The following PLA2G4F variants were observed in gnomAD, a reference collection of about 807,000 sequenced individuals.
PLA2G4F encodes the protein phospholipase A2 group IVF.
Under a neutral mutation model 103.1 loss-of-function variants are expected in PLA2G4F, and 105 were observed. That is an observed-to-expected ratio of 1.02 (90% CI 0.87 to 1.20). The LOEUF is 1.20. Among genes scored for constraint, PLA2G4F ranks in the 50% most tolerant of loss-of-function variants. The pLI is 0.00. For synonymous variants in PLA2G4F, 468 were observed against 441.1 expected (o/e 1.06, Z -0.76); for missense variants, 1,155 against 1,075.9 (o/e 1.07, Z -1.03).
chr15:42,146,978 G>C (rs989970992), intron 13 of PLA2G4F, 146 bp downstream of exon 13: 14 of 771,932 alleles, frequency 1.8e-5, no homozygotes, highest in Non-Finnish European at 2.9e-5. Context: ...AGCCCACCCT[G>C]GAGTCACACT....
Position 42,145,735 on chromosome 15 carries a change from GCCTGTCCCCAGCCCTCCA to G in PLA2G4F, c.1672+13_1672+30del. On this transcript the variant is annotated intron_variant, in intron 15 of 19. Coordinates refer to ENST00000397272, the MANE Select transcript of PLA2G4F (RefSeq NM_213600.4). The stretch of plus-strand genomic sequence containing the variant: ...ACGTCAGGGCCTGGCCCCGGCACCT[GCCTGTCCCCAGCCCTCCA>G]GCCTCGACTCACCTTGCAGGTAACA... 1 of 1,613,782 alleles carries G rather than the reference GCCTGTCCCCAGCCCTCCA, an allele frequency of 6.2e-7. No individual in the cohort carries two copies. Among genetic ancestry groups the G allele is most frequent in the Non-Finnish European group, 8.5e-7 (1 of 1,179,898 alleles).
chr15:42,142,549 A>T lies in PLA2G4F; in HGVS notation c.2308T>A (p.Phe770Ile). The T allele has an allele frequency of 6.2e-7, 1 of 1,613,860 alleles. No homozygotes were observed. Among genetic ancestry groups the T allele is most frequent in the Non-Finnish European group, 8.5e-7 (1 of 1,179,880 alleles). ...VLHFPLVNRT[F>I]RTHLAPGVER... ...TTACCTGGGGCCAGGTGTGTGCGGA[A>T]GGTACGGTTAACCAGGGGGAAGTGC... The change falls in exon 19 of 20, where the codon TTC (phenylalanine) becomes ATC (isoleucine). Residue 770 changes from phenylalanine (F) to isoleucine (I), a missense_variant. By Grantham distance (21) the Phe-to-Ile change is conservative. Coordinates refer to ENST00000397272, the MANE Select transcript of PLA2G4F (RefSeq NM_213600.4).
In PLA2G4F at chr15:42,144,464, A is replaced by G. The variant is rs1446864589; in HGVS notation, c.1961T>C (p.Phe654Ser). The G allele has an allele frequency of 2.5e-6, 4 of 1,612,138 alleles. No homozygotes were observed. Among genetic ancestry groups the G allele is most frequent in the Non-Finnish European group, 3.4e-6 (4 of 1,180,010 alleles). ...GCAGCACCCACCTTTCCAGGCCACGAACTCCCTGCCAGCCACATAGTCCTT... is the reference window on the plus strand; with the variant it reads ...GCAGCACCCACCTTTCCAGGCCACGGACTCCCTGCCAGCCACATAGTCCTT... The part of the protein sequence containing the change: ...LHKDYVAGRE[F>S]VAWKDTHPDA... The change falls in exon 17 of 20, where the codon TTC becomes TCC. Residue 654 changes from phenylalanine (F) to serine (S), a missense_variant. Phe to Ser is a radical substitution (Grantham distance 155). This residue lies in a region of PLA2G4F where 782 missense variants were observed against 692.9 expected (regional missense o/e 1.13). Coordinates refer to ENST00000397272, the MANE Select transcript of PLA2G4F (RefSeq NM_213600.4).
intron 2 of PLA2G4F, among the ~76,000 whole-genome samples, chr15:42,155,071 C>T (rs573765097): frequency 6.6e-5 from 10 of 151,364 alleles, no homozygotes; most frequent in African/African-American, 2.4e-4. Context: ...TACAGACACA[C>T]ATACACAACA....
intron 10 of PLA2G4F, 128 bp from the exon 11 acceptor site, chr15:42,149,976 A>T (rs1252488655): frequency 1.2e-5 from 19 of 1,529,290 alleles, no homozygotes; most frequent in Non-Finnish European, 1.7e-5. Flanking sequence ...CACCAGAACC[A>T]GGGAGGGAAA....
chr15:42,154,477 G>A lies in PLA2G4F; in HGVS notation c.185-19C>T. On this transcript the variant is annotated intron_variant, in intron 2 of 19. Transcript: ENST00000397272. ...TTGGACACTGCAGGTAGGACAGGGAGGGGCCGGGGCCTCAAGCTCTCATTG... is the reference window on the plus strand; with the variant it reads ...TTGGACACTGCAGGTAGGACAGGGAAGGGCCGGGGCCTCAAGCTCTCATTG... 2 of 1,540,282 alleles carry A rather than the reference G, an allele frequency of 1.3e-6. No homozygotes were observed. The highest frequency in any genetic ancestry group is 1.8e-6 in the Non-Finnish European group (2 of 1,142,078).
Position 42,139,676 on chromosome 15 carries a change from C to T in PLA2G4F, c.*2308G>A, listed in dbSNP as rs2048812486. ...TAAACTGGCTGGGTTACCTTCGGCCCCTCCCCTGGCTTCTTGCTCTGCGTG... is the reference window on the plus strand; with the variant it reads ...TAAACTGGCTGGGTTACCTTCGGCCTCTCCCCTGGCTTCTTGCTCTGCGTG... On this transcript the variant is annotated 3_prime_UTR_variant, in exon 20 of 20. Transcript: ENST00000397272. 1 of 152,288 alleles carries T rather than the reference C, an allele frequency of 6.6e-6. No individual in the cohort carries two copies. The highest frequency in any genetic ancestry group is 2.4e-5 in the African/African-American group (1 of 41,436). 9.4% of individuals were successfully genotyped at this position (152,288 alleles called of 1,614,324 possible).
At chr15:42,149,527 T>G in intron 11 of PLA2G4F, 186 bp downstream of exon 11, 1 of 985,432 alleles carries the variant, frequency 1.0e-6, no homozygotes, top group Non-Finnish European at 1.2e-6. Context: ...CACATAGACA[T>G]CCAGCTTTGG....
chr15:42,142,046 A>G lies in PLA2G4F; in HGVS notation c.2488T>C (p.Leu830=). The change falls in exon 20 of 20, where the codon TTG becomes CTG. Residue 830 remains leucine (L), a synonymous_variant. Coordinates refer to ENST00000397272, the MANE Select transcript of PLA2G4F (RefSeq NM_213600.4). ...RYNVLNNVET[L]KCALQLALDR... Reference sequence around the variant, plus strand: ...AGAGCCAGCTGGAGGGCGCACTTCAAGGTCTCCACGTTGTTCAGGACGTTG... The same window carrying G: ...AGAGCCAGCTGGAGGGCGCACTTCAGGGTCTCCACGTTGTTCAGGACGTTG... The G allele has an allele frequency of 6.2e-7, 1 of 1,614,160 alleles. No individual in the cohort carries two copies. The highest frequency in any genetic ancestry group is 8.5e-7 in the Non-Finnish European group (1 of 1,180,028).
rs531087847 is a variant in PLA2G4F at position 42,150,231 on chromosome 15, C to T, written c.886-90G>A. On this transcript the variant is annotated intron_variant, in intron 9 of 19. Coordinates refer to ENST00000397272, the MANE Select transcript of PLA2G4F (RefSeq NM_213600.4). ...CCCACCTGCAGCCCTTGCTGCCCTG[C>T]GATCTCTGGCCCGATGTGGACATCA... is the stretch of plus-strand genomic sequence containing the variant. The T allele has an allele frequency of 2.7e-5, 42 of 1,578,020 alleles. No homozygotes were observed. The Admixed American group carries it at 4.9e-4, about 18-fold the overall frequency.
In PLA2G4F at chr15:42,147,781, A is replaced by G. The variant is rs533621033; in HGVS notation, c.1060-19T>C. ...CAGGCACCTGGGTACAATAATAACAAGGATAACGACTCCGACTACCACCGT... is the reference window on the plus strand; with the variant it reads ...CAGGCACCTGGGTACAATAATAACAGGGATAACGACTCCGACTACCACCGT... On this transcript the variant is annotated intron_variant, in intron 11 of 19. Coordinates refer to ENST00000397272, the MANE Select transcript of PLA2G4F (RefSeq NM_213600.4). 10 of 1,610,284 alleles carry G rather than the reference A, an allele frequency of 6.2e-6. No individual in the cohort carries two copies. The highest frequency in any genetic ancestry group is 5.5e-5 in the South Asian group (5 of 91,036).
At chr15:42,143,879 C>A in intron 18 of PLA2G4F, 99 bp downstream of exon 18, 2 of 1,422,820 alleles carry the variant, frequency 1.4e-6, no homozygotes, top group South Asian at 1.4e-5. Flanking sequence ...CACACCCAGC[C>A]AGTCCCCCTC....
intron 17 of PLA2G4F, 89 bp downstream of exon 17, chr15:42,144,361 C>G: frequency 6.5e-7 from 1 of 1,535,338 alleles, no homozygotes; most frequent in South Asian, 1.2e-5. Context: ...ACACCTCAAC[C>G]CCCAGCCCAA....
chr15:42,145,749 C>T lies in PLA2G4F; in HGVS notation c.1672+17G>A. ...CCCCGGCACCTGCCTGTCCCCAGCC[C>T]TCCAGCCTCGACTCACCTTGCAGGT... On this transcript the variant is annotated intron_variant, in intron 15 of 19. Transcript: ENST00000397272. The T allele has an allele frequency of 6.2e-7, 1 of 1,613,988 alleles. No homozygotes were observed. The highest frequency in any genetic ancestry group is 8.5e-7 in the Non-Finnish European group (1 of 1,179,970).
Position 42,145,622 on chromosome 15 carries a change from G to C in PLA2G4F, c.1733C>G (p.Ser578Trp). Residue 578 changes from serine to tryptophan, a missense_variant, in exon 16 of 20, where the codon TCG (serine) becomes TGG (tryptophan). This residue lies in a region of PLA2G4F where 782 missense variants were observed against 692.9 expected (regional missense o/e 1.13). Coordinates refer to ENST00000397272, the MANE Select transcript of PLA2G4F (RefSeq NM_213600.4). ...GTACCACTCCAGGAAGCTGAGGCCC[G>C]AGCCGGCGGTCTTTAGGAAGATCTC... Reference protein sequence around the residue: ...LDEIFLKTAGSGLSFLEWYRG... With the variant: ...LDEIFLKTAGWGLSFLEWYRG... The C allele has an allele frequency of 1.9e-6, 3 of 1,614,056 alleles. No individual in the cohort carries two copies. Among genetic ancestry groups the C allele is most frequent in the African/African-American group, 1.3e-5 (1 of 74,990 alleles).
In PLA2G4F at chr15:42,141,167, G is replaced by A. The variant is rs752785139; in HGVS notation, c.*817C>T. 41 of 450,750 alleles carry A rather than the reference G, an allele frequency of 9.1e-5. No individual in the cohort carries two copies. Among genetic ancestry groups the A allele is most frequent in the African/African-American group, 1.2e-4 (6 of 49,966 alleles). 27.9% of individuals were successfully genotyped at this position (450,750 alleles called of 1,614,324 possible). On this transcript the variant is annotated 3_prime_UTR_variant, in exon 20 of 20. Transcript: ENST00000397272. ...ACATACAGGTGCACACCTCTCCCCC[G>A]ATGAACTGATGCCCCTACTAGACAC...
At position 42,144,547 on chromosome 15, in the gene PLA2G4F, G is replaced by C. The variant is rs1469356129; in HGVS notation, c.1878C>G (p.Phe626Leu). 2 of 1,613,064 alleles carry C rather than the reference G, an allele frequency of 1.2e-6. No individual in the cohort carries two copies. The highest frequency in any genetic ancestry group is 1.7e-6 in the Non-Finnish European group (2 of 1,180,024). ...TCTGGGCGGAAGTGAAGCGGGAGGT[G>C]AATATGTCCAGCACAGCCTGGGAGA... ...GPFSQAVLDI[F>L]TSRFTSAQSF... The change falls in exon 17 of 20, where the codon TTC becomes TTG. Residue 626 changes from phenylalanine (F) to leucine (L), a missense_variant. Physicochemically the swap from Phe to Leu is conservative, Grantham distance 22. Transcript: ENST00000397272.
At chr15:42,155,893 C>T (rs767784909) in intron 1 of PLA2G4F, among the ~76,000 whole-genome samples, 1 of 152,216 alleles carries the variant, frequency 6.6e-6, no homozygotes, top group Non-Finnish European at 1.5e-5. Context: ...CGCCCCCACT[C>T]TAGCTTGGGA....
chr15:42,148,695 G>A (rs2048919901), intron 11 of PLA2G4F: 1 of 985,296 alleles, frequency 1.0e-6, no homozygotes, highest in Non-Finnish European at 1.2e-6. Context: ...GTGCCCAGAG[G>A]TTTTAAGGTC....
Sources: gnomAD v4.1 joint callset for allele counts (sites outside exome capture counted in the v4.1 genomes callset) on GRCh38, gnomAD v4.1.1 for gene constraint, gnomAD v4.1.1 regional missense constraint, MANE v1.5 for transcripts, NCBI Gene and HGNC (gene_info 2026-07-23, HGNC 2026-07-21) for gene names.